The following GRID2 variants were observed in gnomAD, a reference collection of about 807,000 sequenced individuals.
GRID2 encodes glutamate receptor ionotropic, delta-2.
Under a neutral mutation model 114.8 loss-of-function variants are expected in GRID2, and 33 were observed. The observed-to-expected ratio is 0.29, with a 90% CI of 0.22 to 0.38. The LOEUF is 0.38. Among genes scored for constraint, GRID2 ranks in the 10% least tolerant of loss-of-function variants. The pLI, the probability that GRID2 is intolerant of heterozygous loss-of-function variation, is 1.00. For synonymous variants in GRID2, 505 were observed against 449.9 expected (o/e 1.12, Z -1.55); for missense variants, 1,184 against 1,257.7 (o/e 0.94, Z 0.89).
chr4:92,739,811 ATAAT>A (rs1269100762), intron 2 of GRID2, among the ~76,000 whole-genome samples: 1 of 152,160 alleles, frequency 6.6e-6, no homozygotes, highest in Non-Finnish European at 1.5e-5. Context: ...ACATTTCGAC[ATAAT>A]TAAGTCTTAT....
rs1431861391 is a variant in GRID2, at chr4:92,318,313, T to A, written c.88+13569T>A. Among the ~76,000 whole-genome samples, 848 of 138,794 alleles carry A rather than the reference T, an allele frequency of 6.1e-3. 3 individuals carry two copies. Among genetic ancestry groups the A allele is most frequent in the African/African-American group, 0.016 (614 of 38,502 alleles). 91.1% of individuals were successfully genotyped at this position (138,794 alleles called of 152,430 possible). On this transcript the variant is annotated intron_variant, in intron 1 of 15. Coordinates refer to ENST00000282020, the MANE Select transcript of GRID2 (RefSeq NM_001510.4). ...GTGTATATATATATATATATATTTT[T>A]TTTTTTTTTTTTGGTAAGCAATATT...
rs1004345805 is a variant in GRID2 at position 93,626,660 on chromosome 4, A to G, written c.2360+225A>G. Reference sequence around the variant, plus strand: ...TAAGTAGCGGGAAAAATAATGCTACATATAACTGGTTTTACTCTCAAAAAA... The same window carrying G: ...TAAGTAGCGGGAAAAATAATGCTACGTATAACTGGTTTTACTCTCAAAAAA... On this transcript the variant is annotated intron_variant, in intron 14 of 15. Transcript: ENST00000282020. 6.6e-5 allele frequency among the ~76,000 whole-genome samples: 10 copies of G among 152,372 alleles called. No individual in the cohort carries two copies. The South Asian group carries it at 1.7e-3, about 25-fold the overall frequency.
chr4:93,539,390 C>G (rs1406995227), intron 13 of GRID2, among the ~76,000 whole-genome samples: 1 of 151,974 alleles, frequency 6.6e-6, no homozygotes, highest in Admixed American at 6.6e-5. Context: ...GTCCTTAGCA[C>G]TTATTCAACC....
chr4:93,082,875 G>A (rs913692506), intron 2 of GRID2, among the ~76,000 whole-genome samples: 1 of 152,140 alleles, frequency 6.6e-6, no homozygotes, highest in South Asian at 2.1e-4. Flanking sequence ...AAGATTTTAT[G>A]CTAAAGCAAA....
At chr4:93,340,049 C>G (rs951349593) in intron 8 of GRID2, among the ~76,000 whole-genome samples, 1 of 152,148 alleles carries the variant, frequency 6.6e-6, no homozygotes, top group African/African-American at 2.4e-5. Flanking sequence ...GGTGGGAACA[C>G]AAAGCCTAAC....
Position 93,490,661 on chromosome 4 carries a change from T to C in GRID2, c.1881T>C (p.Thr627=). ...CAGGCGGGGAAGTCCCGTACACGAC[T>C]CTGGCTACCCGAATGATGATGGGGG... ...VQQGGEVPYT[T]LATRMMMGAW... Residue 627 remains threonine (T), a synonymous_variant, in exon 12 of 16, where the codon ACT becomes ACC. Transcript: ENST00000282020. 6.2e-7 allele frequency: 1 copy of C among 1,611,024 alleles called. No homozygotes were observed. The highest frequency in any genetic ancestry group is 2.2e-5 in the East Asian group (1 of 44,800).
At chr4:93,426,793 A>T (rs1768888877) in intron 10 of GRID2, among the ~76,000 whole-genome samples, 1 of 152,096 alleles carries the variant, frequency 6.6e-6, no homozygotes, top group Non-Finnish European at 1.5e-5. Context: ...CCTTTTGCAA[A>T]TAAAAAATTG....
rs888802666 is a variant in GRID2, at chr4:92,993,304, C to A, written c.245-91691C>A. Reference sequence around the variant, plus strand: ...TAATAGTAGCATTAAAAAAAAAAAACAAAAAACTTTCTGTTGAATGCAGTT... The same window carrying A: ...TAATAGTAGCATTAAAAAAAAAAAAAAAAAAACTTTCTGTTGAATGCAGTT... On this transcript the variant is annotated intron_variant, in intron 2 of 15. Coordinates refer to ENST00000282020, the MANE Select transcript of GRID2 (RefSeq NM_001510.4). 3.1e-3 allele frequency among the ~76,000 whole-genome samples: 456 copies of A among 147,380 alleles called. 6 individuals are homozygous for A. Among genetic ancestry groups the A allele is most frequent in the South Asian group, 5.9e-3 (27 of 4,612 alleles).
chr4:92,960,905 T>C (rs1210386872), intron 2 of GRID2, among the ~76,000 whole-genome samples: 1 of 151,870 alleles, frequency 6.6e-6, no homozygotes, highest in Non-Finnish European at 1.5e-5. Flanking sequence ...ATATCAGTTA[T>C]ATATTTTTCC....
intron 2 of GRID2, among the ~76,000 whole-genome samples, 167 bp from the exon 3 acceptor site, chr4:93,084,828 C>CA (rs1423823753): frequency 1.3e-5 from 2 of 152,190 alleles, no homozygotes. Context: ...CTTGGAATAC[C>CA]AATAGTGCTT....
intron 2 of GRID2, among the ~76,000 whole-genome samples, chr4:92,634,006 C>T (rs1443957249): frequency 2.0e-5 from 3 of 151,660 alleles, no homozygotes; most frequent in Non-Finnish European, 2.9e-5. Flanking sequence ...TTTTTACCAT[C>T]GTCTATAGCA....
intron 2 of GRID2, among the ~76,000 whole-genome samples, chr4:92,632,533 TGA>T (rs1358403281): frequency 2.0e-5 from 3 of 152,062 alleles, no homozygotes; most frequent in South Asian, 4.1e-4. Context: ...CTCTGGAGGC[TGA>T]GACATGAGAA....
At position 92,612,438 on chromosome 4, in the gene GRID2, C is replaced by A. The variant is rs558212428; in HGVS notation, c.244+22152C>A. ...GACTTATTTTTGGTTATTGAGTTCT[C>A]CTTGTTTTCATATAAATATTGGTGT... On this transcript the variant is annotated intron_variant, in intron 2 of 15. Transcript: ENST00000282020. 3.3e-5 allele frequency among the ~76,000 whole-genome samples: 5 copies of A among 151,324 alleles called. No homozygotes were observed. In the Admixed American group the frequency reaches 3.3e-4, roughly 10 times the overall value.
intron 1 of GRID2, among the ~76,000 whole-genome samples, chr4:93,801,007 CTG>C (rs1480699629): frequency 6.6e-6 from 1 of 152,098 alleles, no homozygotes; most frequent in East Asian, 1.9e-4. Flanking sequence ...AACTAATAAA[CTG>C]AATCAAATTT....
chr4:92,378,513 T>C (rs1265273790), intron 1 of GRID2, among the ~76,000 whole-genome samples: 3 of 152,120 alleles, frequency 2.0e-5, no homozygotes, highest in Non-Finnish European at 4.4e-5. Flanking sequence ...TTCAAATTAT[T>C]TCCAAATATC....
At chr4:92,404,231 A>G (rs971311942) in intron 1 of GRID2, among the ~76,000 whole-genome samples, 1 of 152,206 alleles carries the variant, frequency 6.6e-6, no homozygotes. Context: ...AAAAGAAATT[A>G]AGAGTTAGGT....
intron 2 of GRID2, among the ~76,000 whole-genome samples, chr4:92,674,806 G>A (rs1733262626): frequency 6.6e-6 from 1 of 152,204 alleles, no homozygotes; most frequent in East Asian, 1.9e-4. Context: ...TAGGATTACA[G>A]GCATGAGCCA....
intron 2 of GRID2, among the ~76,000 whole-genome samples, chr4:92,717,639 A>G (rs1560550667): frequency 6.6e-6 from 1 of 152,342 alleles, no homozygotes; most frequent in East Asian, 1.9e-4. Context: ...ATTTTGGATC[A>G]AATGTGTTCA....
chr4:92,936,650 C>A (rs1391063681), intron 2 of GRID2, among the ~76,000 whole-genome samples: 1 of 145,970 alleles, frequency 6.9e-6, no homozygotes, highest in Non-Finnish European at 1.5e-5. Flanking sequence ...AAGGTCTGTT[C>A]AATCAAGGTC....
Sources: gnomAD v4.1 joint callset for allele counts (sites outside exome capture counted in the v4.1 genomes callset) on GRCh38, gnomAD v4.1.1 for gene constraint, MANE v1.5 for transcripts, NCBI Gene and HGNC (gene_info 2026-07-23, HGNC 2026-07-21) for gene names.